Variants in STAT1 observed in about 807,000 individuals in gnomAD.
STAT1 encodes signal transducer and activator of transcription 1-alpha/beta.
STAT1 carries 24 observed loss-of-function variants against 111.7 expected under a neutral mutation model. The ratio of observed to expected loss-of-function variants is 0.21; its 90% CI spans 0.16 to 0.30. STAT1 has a LOEUF of 0.30. STAT1 is among the 10% of genes least tolerant of loss of function. The pLI is 1.00. For synonymous variants in STAT1, 332 were observed against 326.5 expected, an observed-to-expected ratio of 1.02 and a Z score of -0.18; for missense variants, 351 against 911.9, an observed-to-expected ratio of 0.38 and a Z score of 7.92.
rs1304387634 is a variant in STAT1, at chr2:191,000,588, A to T, written c.462+486T>A. Among the ~76,000 whole-genome samples, 1 of 152,184 alleles carries T rather than the reference A, an allele frequency of 6.6e-6. No homozygotes were observed. The highest frequency in any genetic ancestry group is 1.5e-5 in the Non-Finnish European group (1 of 68,038). On this transcript the variant is annotated intron_variant, in intron 6 of 24. Coordinates refer to ENST00000361099, the MANE Select transcript of STAT1 (RefSeq NM_007315.4). The surrounding 1 kb of genome is among the most constrained non-coding windows in gnomAD (Gnocchi z 4.8). ...GCCAGAGCAGCCCTCTGCTTCCATA[A>T]ATTGACTTGGAAGTTGTATCCTAAA... is the stretch of plus-strand genomic sequence containing the variant.
Position 190,998,386 on chromosome 2 carries a change from T to C in STAT1, c.542-78A>G, listed in dbSNP as rs1417630034. The C allele has an allele frequency of 8.3e-7, 1 of 1,200,900 alleles. No individual in the cohort carries two copies. The highest frequency in any genetic ancestry group is 1.5e-5 in the African/African-American group (1 of 66,938). The allele number at this position is 1,200,900 out of a possible 1,614,324, so 74.4% of individuals were successfully genotyped here. A position where few individuals can be genotyped will look rare whatever the true frequency, so the allele number is the denominator to read the frequency against. On this transcript the variant is annotated intron_variant, in intron 7 of 24. Coordinates refer to ENST00000361099, the MANE Select transcript of STAT1 (RefSeq NM_007315.4). The surrounding 1 kb of genome is among the most constrained non-coding windows in gnomAD (Gnocchi z 4.1). Reference sequence around the variant, plus strand: ...AGCCAAGATTCATATAAATTTAGGATAAATATGACACAAATGCTGCCTAGT... The same window carrying C: ...AGCCAAGATTCATATAAATTTAGGACAAATATGACACAAATGCTGCCTAGT...
At position 190,980,662 on chromosome 2, in the gene STAT1, G is replaced by T. The variant is rs552751565; in HGVS notation, c.1590C>A (p.Asn530Lys). The change falls in exon 19 of 25, where the codon AAC becomes AAA. Residue 530 changes from asparagine (N) to lysine (K), a missense_variant. Transcript: ENST00000361099. This position sits in a 1 kb window ranked among gnomAD's most constrained non-coding sequence, Gnocchi z 6.1. ...ACGGAATGAGACCATCGGGGCTGGC[G>T]TTAGGACCTAAACAAATAAAAACCA... ...NMLGEKLLGP[N>K]ASPDGLIPWT... is the part of the protein sequence containing the mutation. The T allele has an allele frequency of 6.2e-7, 1 of 1,614,166 alleles. No homozygotes were observed. Among genetic ancestry groups the T allele is most frequent in the South Asian group, 1.1e-5 (1 of 91,086 alleles).
chr2:190,996,979 A>G lies in STAT1; in HGVS notation c.785+877T>C, dbSNP rs1693906096. On this transcript the variant is annotated intron_variant, in intron 9 of 24. Coordinates refer to ENST00000361099, the MANE Select transcript of STAT1 (RefSeq NM_007315.4). This position sits in a 1 kb window ranked among gnomAD's most constrained non-coding sequence, Gnocchi z 4.5. The stretch of plus-strand genomic sequence containing the variant: ...GAAATACATCTCCTGCTTAAGAAAA[A>G]AGCCTGCCTTGGCTCAGCAGTACAG... Among the ~76,000 whole-genome samples, 1 of 152,154 alleles carries G rather than the reference A, an allele frequency of 6.6e-6. No homozygotes were observed. The highest frequency in any genetic ancestry group is 1.5e-5 in the Non-Finnish European group (1 of 68,018).
chr2:191,013,522 G>T lies in STAT1; in HGVS notation c.-2+3C>A. Reference sequence around the variant, plus strand: ...TCATCTGATTCCATGAACATTTACTGACCTGCCACCTTGTGCCCCAACAAG... The same window carrying T: ...TCATCTGATTCCATGAACATTTACTTACCTGCCACCTTGTGCCCCAACAAG... On this transcript the variant is annotated splice_donor_region_variant and intron_variant, in intron 2 of 24. Transcript: ENST00000361099. The T allele has an allele frequency of 2.5e-6, 1 of 397,980 alleles. No homozygotes were observed. The highest frequency in any genetic ancestry group is 1.3e-4 in the South Asian group (1 of 7,494). The allele number at this position is 397,980 out of a possible 1,614,324, so 24.7% of individuals were successfully genotyped here.
At position 190,971,291 on chromosome 2, in the gene STAT1, C is replaced by T. The variant is rs1161051344; in HGVS notation, c.2239-574G>A. ...TACTAGCCTGCCAGTGACTTCCTGT[C>T]TGACTTCCACACTGGTCTTTCCCCT... is the stretch of plus-strand genomic sequence containing the variant. On this transcript the variant is annotated intron_variant, in intron 24 of 24. Transcript: ENST00000361099. This position sits in a 1 kb window ranked among gnomAD's most constrained non-coding sequence, Gnocchi z 4.1. Among the ~76,000 whole-genome samples, 7 of 152,204 alleles carry T rather than the reference C, an allele frequency of 4.6e-5. No individual in the cohort carries two copies. The highest frequency in any genetic ancestry group is 5.9e-5 in the Non-Finnish European group (4 of 68,030).
chr2:191,013,910 G>A (rs751518061), intron 1 of STAT1, 108 bp downstream of exon 1: 6 of 365,734 alleles, frequency 1.6e-5, no homozygotes, highest in Non-Finnish European at 2.9e-5. Context: ...ATCACTATTC[G>A]CGGGTCAGCA....
chr2:190,984,465 A>G lies in STAT1; in HGVS notation c.1264-72T>C. ...TCCTAAAACTTTCAAAAGCCCAATT[A>G]ACATTGCAACAGGCCACAGAGATCC... On this transcript the variant is annotated intron_variant, in intron 15 of 24. Transcript: ENST00000361099. The surrounding 1 kb of genome is among the most constrained non-coding windows in gnomAD (Gnocchi z 5.2). The G allele has an allele frequency of 2.3e-6, 3 of 1,302,626 alleles. 1 individual carries two copies. In the Middle Eastern group the frequency reaches 5.5e-4, roughly 239 times the overall value. The allele number at this position is 1,302,626 out of a possible 1,614,324, so 80.7% of individuals were successfully genotyped here.
At chr2:191,002,683 A>G (rs1442113847) in intron 5 of STAT1, among the ~76,000 whole-genome samples, 5 of 152,154 alleles carry the variant, frequency 3.3e-5, no homozygotes. Context: ...AATACCACCA[A>G]TACGATGCTA....
At position 190,976,204 on chromosome 2, in the gene STAT1, T is replaced by C. The variant is rs915119975; in HGVS notation, c.2060-317A>G. ...AATATGCAAAGTTCTATCCAGTTTATTGGCATTAGCCTGGCTAATGAATAT... is the reference window on the plus strand; with the variant it reads ...AATATGCAAAGTTCTATCCAGTTTACTGGCATTAGCCTGGCTAATGAATAT... On this transcript the variant is annotated intron_variant, in intron 22 of 24. Coordinates refer to ENST00000361099, the MANE Select transcript of STAT1 (RefSeq NM_007315.4). The surrounding 1 kb of genome is among the most constrained non-coding windows in gnomAD (Gnocchi z 6.0). 1.3e-5 allele frequency among the ~76,000 whole-genome samples: 2 copies of C among 152,212 alleles called. No homozygotes were observed. The highest frequency in any genetic ancestry group is 2.9e-5 in the Non-Finnish European group (2 of 68,028).
Position 190,996,123 on chromosome 2 carries a change from T to G in STAT1, c.786-904A>C, listed in dbSNP as rs1559017906. ...AATGATGATTCTGGTTTCACTCAAC[T>G]GAAAGGAGAAGGCAGTATGCTCAGT... On this transcript the variant is annotated intron_variant, in intron 9 of 24. Coordinates refer to ENST00000361099, the MANE Select transcript of STAT1 (RefSeq NM_007315.4). The surrounding 1 kb of genome is among the most constrained non-coding windows in gnomAD (Gnocchi z 4.5). Among the ~76,000 whole-genome samples the G allele has an allele frequency of 6.6e-6, 1 of 152,088 alleles. No homozygotes were observed. The highest frequency in any genetic ancestry group is 1.5e-5 in the Non-Finnish European group (1 of 67,996).
chr2:191,008,297 A>C (rs1236781197), intron 4 of STAT1, among the ~76,000 whole-genome samples: 1 of 152,242 alleles, frequency 6.6e-6, no homozygotes, highest in Non-Finnish European at 1.5e-5. Flanking sequence ...TGTATGAAAG[A>C]AGAAAATGAT....
rs1694507641 is a variant in STAT1, at chr2:191,004,265, G to T, written c.373-3102C>A. ...AACTTTCTAAGAAACCAGGAGTACT[G>T]AAACCACGGGAATTTCAAACACTGA... On this transcript the variant is annotated intron_variant, in intron 5 of 24. Coordinates refer to ENST00000361099, the MANE Select transcript of STAT1 (RefSeq NM_007315.4). This position sits in a 1 kb window ranked among gnomAD's most constrained non-coding sequence, Gnocchi z 5.0. Among the ~76,000 whole-genome samples the T allele has an allele frequency of 6.6e-6, 1 of 152,176 alleles. No homozygotes were observed. The highest frequency in any genetic ancestry group is 1.9e-4 in the East Asian group (1 of 5,202).
rs1417333577 is a variant in STAT1 at position 190,987,464 on chromosome 2, G to A, written c.1098-396C>T. 6.6e-6 allele frequency among the ~76,000 whole-genome samples: 1 copy of A among 152,186 alleles called. No individual in the cohort carries two copies. On this transcript the variant is annotated intron_variant, in intron 12 of 24. Coordinates refer to ENST00000361099, the MANE Select transcript of STAT1 (RefSeq NM_007315.4). This position sits in a 1 kb window ranked among gnomAD's most constrained non-coding sequence, Gnocchi z 4.0. The stretch of plus-strand genomic sequence containing the variant: ...ATTGTTTATTGAGCAGCTACTTGGT[G>A]CAAGGCCCTGCACTAAGCACTGGGG...
intron 10 of STAT1, chr2:190,992,733 A>T: frequency 9.6e-7 from 1 of 1,045,314 alleles, no homozygotes; most frequent in Non-Finnish European, 1.3e-6. Context: ...AGGACCCATT[A>T]GCTTCTTAAT....
Position 190,982,648 on chromosome 2 carries a change from G to T in STAT1, c.1447-130C>A. The T allele has an allele frequency of 1.0e-6, 1 of 971,662 alleles. No individual in the cohort carries two copies. The highest frequency in any genetic ancestry group is 2.5e-5 in the East Asian group (1 of 39,958). 60.2% of individuals were successfully genotyped at this position (971,662 alleles called of 1,614,324 possible). On this transcript the variant is annotated intron_variant, in intron 17 of 24. Coordinates refer to ENST00000361099, the MANE Select transcript of STAT1 (RefSeq NM_007315.4). This position sits in a 1 kb window ranked among gnomAD's most constrained non-coding sequence, Gnocchi z 7.3. Reference sequence around the variant, plus strand: ...ACACACAGGTGCTTTCACAGTAGGGGAAGAGAAATACAGTCAATTTTCATT... The same window carrying T: ...ACACACAGGTGCTTTCACAGTAGGGTAAGAGAAATACAGTCAATTTTCATT...
Position 190,989,721 on chromosome 2 carries a change from C to A in STAT1, c.1038-47G>T. On this transcript the variant is annotated intron_variant, in intron 11 of 24. Transcript: ENST00000361099. The surrounding 1 kb of genome is among the most constrained non-coding windows in gnomAD (Gnocchi z 5.0). ...ATTACTTAAAAAAAATTATCTGTTA[C>A]AATTTATTTATTATGCCAATTCCCT... is the stretch of plus-strand genomic sequence containing the variant. The A allele has an allele frequency of 7.3e-7, 1 of 1,377,450 alleles. No homozygotes were observed. The highest frequency in any genetic ancestry group is 1.0e-6 in the Non-Finnish European group (1 of 981,272). 85.3% of individuals were successfully genotyped at this position (1,377,450 alleles called of 1,614,324 possible).
At position 191,013,547 on chromosome 2, in the gene STAT1, G is replaced by A. The variant is rs1695303957; in HGVS notation, c.-24C>T. ...GACCTGCCACCTTGTGCCCCAACAA[G>A]GGCCTGGGGATTCAACCAAAGGAGC... On this transcript the variant is annotated 5_prime_UTR_variant, in exon 2 of 25. Coordinates refer to ENST00000361099, the MANE Select transcript of STAT1 (RefSeq NM_007315.4). The A allele has an allele frequency of 2.5e-6, 1 of 398,344 alleles. No individual in the cohort carries two copies. Among genetic ancestry groups the A allele is most frequent in the Admixed American group, 4.4e-5 (1 of 22,718 alleles). 24.7% of individuals were successfully genotyped at this position (398,344 alleles called of 1,614,324 possible).
chr2:190,970,790 G>T lies in STAT1; in HGVS notation c.2239-73C>A. The T allele has an allele frequency of 7.1e-7, 1 of 1,407,674 alleles. No individual in the cohort carries two copies. The highest frequency in any genetic ancestry group is 1.2e-5 in the South Asian group (1 of 86,636). The allele number at this position is 1,407,674 out of a possible 1,614,324, so 87.2% of individuals were successfully genotyped here. A position where few individuals can be genotyped will look rare whatever the true frequency, so the allele number is the denominator to read the frequency against. On this transcript the variant is annotated intron_variant, in intron 24 of 24. Coordinates refer to ENST00000361099, the MANE Select transcript of STAT1 (RefSeq NM_007315.4). The surrounding 1 kb of genome is among the most constrained non-coding windows in gnomAD (Gnocchi z 5.4). ...AATGCAGACTCATACATTAAACATT[G>T]CTTGTCTATTCTAGAATGAAGTAGT...
intron 5 of STAT1, among the ~76,000 whole-genome samples, chr2:191,001,811 T>G (rs868566278): frequency 1.3e-5 from 2 of 152,210 alleles, no homozygotes; most frequent in African/African-American, 2.4e-5. Context: ...ATACACCAGA[T>G]GTACCCTGCA....
Sources: allele counts gnomAD v4.1 joint callset (sites outside exome capture counted in the v4.1 genomes callset), GRCh38; gene constraint gnomAD v4.1.1; non-coding constraint Gnocchi (gnomAD v3.1); transcripts MANE v1.5; gene names NCBI Gene and HGNC (gene_info 2026-07-23, HGNC 2026-07-21).